Variants in AKAP9 observed in about 807,000 individuals in gnomAD.
The protein encoded by AKAP9 is A-kinase anchoring protein 9.
In AKAP9, 311 loss-of-function variants were observed where a neutral mutation model predicts 488.5. That is an observed-to-expected ratio of 0.64 (90% CI 0.58 to 0.70). The LOEUF is 0.70. Among genes scored for constraint, AKAP9 ranks in the 30% least tolerant of loss-of-function variants. The pLI is 0.00. For missense variants in AKAP9, 4,215 were observed against 4,374.5 expected, an observed-to-expected ratio of 0.96 and a Z score of 1.03; for synonymous variants, 1,462 against 1,483.5, an observed-to-expected ratio of 0.99 and a Z score of 0.33.
chr7:91,959,462 T>TA (rs10573086), intron 1 of AKAP9, among the ~76,000 whole-genome samples: 5,159 of 147,614 alleles, frequency 0.035, 261 homozygotes, highest in African/African-American at 0.12. Flanking sequence ...CTGGCTAATT[T>TA]AAAAAAAAAA....
rs1291149566 is a variant in AKAP9, at chr7:92,097,002, T to A, written c.10043T>A (p.Leu3348Gln). The stretch of plus-strand genomic sequence containing the variant: ...CCCTCAGAGGACCTACTGAAAGAGC[T>A]GCAGAAACAGCTAGAGGAAAAACAC... ...PLPSEDLLKE[L>Q]QKQLEEKHSR... The change falls in exon 41 of 50, where the codon CTG becomes CAG. Residue 3348 changes from leucine to glutamine, a missense_variant. This residue lies in a region of AKAP9 where 1,476 missense variants were observed against 1,477.4 expected (regional missense o/e 1.00). Transcript: ENST00000356239. The A allele has an allele frequency of 5.0e-6, 8 of 1,614,156 alleles. 1 individual carries two copies. In the South Asian group the frequency reaches 7.7e-5, roughly 16 times the overall value.
chr7:91,952,418 TGG>T (rs1353455525), intron 1 of AKAP9, among the ~76,000 whole-genome samples: 1 of 152,092 alleles, frequency 6.6e-6, no homozygotes, highest in Non-Finnish European at 1.5e-5. Flanking sequence ...AAATACACAA[TGG>T]GTAATATAAT....
intron 3 of AKAP9, among the ~76,000 whole-genome samples, chr7:91,983,874 T>A (rs1796743333): frequency 6.6e-6 from 1 of 152,210 alleles, no homozygotes; most frequent in Admixed American, 6.5e-5. Flanking sequence ...TCATTTGCAT[T>A]TCTCTGATGA....
At chr7:92,102,951 A>C in intron 46 of AKAP9, 125 bp downstream of exon 46, 1 of 876,080 alleles carries the variant, frequency 1.1e-6, no homozygotes, top group Non-Finnish European at 1.8e-6. Flanking sequence ...ATGTGCCATC[A>C]CTGAAGCATG....
chr7:91,985,426 G>A (rs1445157400), intron 3 of AKAP9, among the ~76,000 whole-genome samples: 7 of 152,084 alleles, frequency 4.6e-5, no homozygotes, highest in African/African-American at 1.7e-4. Context: ...TTATTGATTT[G>A]TGTGTTTTGA....
At chr7:91,976,644 C>G (rs1584665314) in intron 2 of AKAP9, among the ~76,000 whole-genome samples, 1 of 152,138 alleles carries the variant, frequency 6.6e-6, no homozygotes, top group Admixed American at 6.5e-5. Context: ...ATAAATTCAG[C>G]CTTTTAAAAT....
chr7:92,094,960 T>C, intron 39 of AKAP9, 63 bp from the exon 40 acceptor site: 1 of 1,510,198 alleles, frequency 6.6e-7, no homozygotes, highest in Non-Finnish European at 9.2e-7. Context: ...GCTGTTTTTC[T>C]CTCTCTCATT....
chr7:92,046,389 G>T (rs1807005944), intron 21 of AKAP9, among the ~76,000 whole-genome samples: 1 of 152,164 alleles, frequency 6.6e-6, no homozygotes, highest in Non-Finnish European at 1.5e-5. Flanking sequence ...AATTCTGTTT[G>T]TTAAATTTCA....
At chr7:92,102,371 T>G (rs538751480) in intron 45 of AKAP9, among the ~76,000 whole-genome samples, 1 of 151,350 alleles carries the variant, frequency 6.6e-6, no homozygotes, top group East Asian at 1.9e-4. Flanking sequence ...GAGGCAAAAG[T>G]GTAAAGGTTA....
In AKAP9 at chr7:91,992,970, T is replaced by C. The variant is rs1797955031; in HGVS notation, c.491T>C (p.Leu164Ser). ...PTHLEMMESE[L>S]AGKQHEIEEL... ...CATCTAGAGATGATGGAAAGTGAGT[T>C]GGCTGGGAAGCAGCATGAGATTGAA... The change falls in exon 5 of 50, where the codon TTG (leucine) becomes TCG (serine). Residue 164 changes from leucine (L) to serine (S), a missense_variant. This residue lies in a region of AKAP9 where 2,361 missense variants were observed against 2,430.0 expected (regional missense o/e 0.97). Coordinates refer to ENST00000356239, the MANE Select transcript of AKAP9 (RefSeq NM_005751.5). The C allele has an allele frequency of 3.1e-6, 5 of 1,614,100 alleles. No homozygotes were observed. Among genetic ancestry groups the C allele is most frequent in the Non-Finnish European group, 4.2e-6 (5 of 1,179,996 alleles).
In AKAP9 at chr7:91,989,923, T is replaced by A. The variant is rs911385696; in HGVS notation, c.352-2235T>A. 7.9e-5 allele frequency among the ~76,000 whole-genome samples: 12 copies of A among 152,220 alleles called. No homozygotes were observed. In the South Asian group the frequency reaches 8.3e-4, roughly 11 times the overall value. On this transcript the variant is annotated intron_variant, in intron 3 of 49. Transcript: ENST00000356239. ...AGGATGAGTTTTTATGTGAAGGCCATTTTATAGTCACATAGTGAAAGTTAC... is the reference window on the plus strand; with the variant it reads ...AGGATGAGTTTTTATGTGAAGGCCAATTTATAGTCACATAGTGAAAGTTAC...
rs1407238006 is a variant in AKAP9 at position 92,085,549 on chromosome 7, T to C, written c.8887T>C (p.Ser2963Pro). The change falls in exon 36 of 50, where the codon TCT becomes CCT. Residue 2963 changes from serine (S) to proline (P), a missense_variant. Around this residue, in one of 5 missense-constraint regions of AKAP9, gnomAD observed 1,476 missense variants for 1,477.4 expected, o/e 1.00. Coordinates refer to ENST00000356239, the MANE Select transcript of AKAP9 (RefSeq NM_005751.5). ...EGMQVLSLTE[S>P]PYSDGEDHSI... Reference sequence around the variant, plus strand: ...CATGCAGGTGCTTTCTCTCACTGAGTCTCCCTATAGTGATGGAGAGGACCA... The same window carrying C: ...CATGCAGGTGCTTTCTCTCACTGAGCCTCCCTATAGTGATGGAGAGGACCA... 1.2e-6 allele frequency: 2 copies of C among 1,614,014 alleles called. No individual in the cohort carries two copies. The highest frequency in any genetic ancestry group is 1.1e-5 in the South Asian group (1 of 91,076).
Position 92,012,646 on chromosome 7 carries a change from A to G in AKAP9, c.3532+4A>G. The G allele has an allele frequency of 6.3e-7, 1 of 1,596,874 alleles. No homozygotes were observed. Among genetic ancestry groups the G allele is most frequent in the Non-Finnish European group, 8.6e-7 (1 of 1,165,098 alleles). ...ACTATGAAAACACAAGAAACAGGTA[A>G]AATGGTTTCTGACTTATAAGTACCA... On this transcript the variant is annotated splice_donor_region_variant and intron_variant, in intron 9 of 49. Transcript: ENST00000356239.
chr7:92,099,373 A>G (rs1817155577), intron 43 of AKAP9, among the ~76,000 whole-genome samples: 1 of 152,304 alleles, frequency 6.6e-6, no homozygotes. Context: ...ATTTTGTGTC[A>G]TATTTTTGCA....
rs140053176 is a variant in AKAP9, at chr7:92,107,370, C to T, written c.11494C>T (p.Arg3832Cys). The T allele has an allele frequency of 5.0e-5, 80 of 1,613,464 alleles. No individual in the cohort carries two copies. The highest frequency in any genetic ancestry group is 4.0e-4 in the East Asian group (18 of 44,846). Reference sequence around the variant, plus strand: ...TGGAGAACCAAGACATACTACGTATCGCTCAAGATCAGATCTGGACTATAT... The same window carrying T: ...TGGAGAACCAAGACATACTACGTATTGCTCAAGATCAGATCTGGACTATAT... The part of the protein sequence containing the change: ...LYGEPRHTTY[R>C]SRSDLDYIRS... The change falls in exon 48 of 50, where the codon CGC becomes TGC. Residue 3832 changes from arginine (R) to cysteine (C), a missense_variant. By Grantham distance (180) the Arg-to-Cys change is radical. This residue lies in a region of AKAP9 where 253 missense variants were observed against 266.8 expected (regional missense o/e 0.95). Coordinates refer to ENST00000356239, the MANE Select transcript of AKAP9 (RefSeq NM_005751.5).
In AKAP9 at chr7:92,110,306, GA is replaced by G; in HGVS notation, c.*151del. On this transcript the variant is annotated 3_prime_UTR_variant, in exon 50 of 50. Coordinates refer to ENST00000356239, the MANE Select transcript of AKAP9 (RefSeq NM_005751.5). ...GTATACAAATCCCTTGCCAGCACAT[GA>G]AAACAAACTGGAATTTGTATATATA... 1.5e-6 allele frequency: 1 copy of G among 664,064 alleles called. No homozygotes were observed. Among genetic ancestry groups the G allele is most frequent in the Non-Finnish European group, 2.6e-6 (1 of 380,948 alleles). The allele number at this position is 664,064 out of a possible 1,614,324, so 41.1% of individuals were successfully genotyped here. A position where few individuals can be genotyped will look rare whatever the true frequency, so the allele number is the denominator to read the frequency against.
intron 10 of AKAP9, among the ~76,000 whole-genome samples, chr7:92,014,867 TA>T (rs1801289236): frequency 1.3e-5 from 2 of 152,182 alleles, no homozygotes; most frequent in Non-Finnish European, 2.9e-5. Context: ...GAACAGACAC[TA>T]ATTGTTGATG....
chr7:92,021,614 T>A (rs1412467340), intron 12 of AKAP9, among the ~76,000 whole-genome samples: 1 of 152,048 alleles, frequency 6.6e-6, no homozygotes, highest in Admixed American at 6.6e-5. Flanking sequence ...AATTTTTGTA[T>A]TTTTAGTAGA....
chr7:91,961,304 G>A (rs904043003), intron 1 of AKAP9, among the ~76,000 whole-genome samples: 5 of 151,534 alleles, frequency 3.3e-5, no homozygotes, highest in Non-Finnish European at 7.4e-5. Flanking sequence ...CTGTAATCCC[G>A]AGTAGCTGGG....
Sources: allele counts gnomAD v4.1 joint callset (sites outside exome capture counted in the v4.1 genomes callset), GRCh38; gene constraint gnomAD v4.1.1; regional missense constraint gnomAD v4.1.1; transcripts MANE v1.5; gene names NCBI Gene and HGNC (gene_info 2026-07-23, HGNC 2026-07-21).